Variants in CTNNA3 observed in about 807,000 individuals in gnomAD.
CTNNA3 encodes the protein catenin alpha-3.
CTNNA3 carries 76 observed loss-of-function variants against 95.7 expected under a neutral mutation model. The observed-to-expected ratio is 0.79, with a 90% CI of 0.66 to 0.96. The LOEUF is 0.96. Ranked by LOEUF, CTNNA3 falls within the 40% of genes least tolerant of loss-of-function variation. The probability of loss-of-function intolerance (pLI) is 0.00; values close to 1 mark genes in which losing one functional copy is unlikely to be tolerated. For synonymous variants in CTNNA3, 431 were observed against 374.4 expected (o/e 1.15, Z -1.74); for missense variants, 1,191 against 1,089.8 (o/e 1.09, Z -1.31).
At chr10:66,186,981 C>T (rs1044739731) in intron 13 of CTNNA3, among the ~76,000 whole-genome samples, 4 of 152,018 alleles carry the variant, frequency 2.6e-5, no homozygotes, top group Middle Eastern at 3.2e-3. Context: ...ATATTGTCTC[C>T]CTCTCTCCAA....
At chr10:65,982,125 C>A (rs1177620562) in intron 16 of CTNNA3, among the ~76,000 whole-genome samples, 1 of 151,330 alleles carries the variant, frequency 6.6e-6, no homozygotes. Context: ...TATTCAGAAT[C>A]TCCAAATAAC....
chr10:67,267,993 A>C (rs1282008051), intron 5 of CTNNA3, among the ~76,000 whole-genome samples: 1 of 152,204 alleles, frequency 6.6e-6, no homozygotes, highest in East Asian at 1.9e-4. Context: ...GGTTAAGCAC[A>C]TAATAATTTG....
intron 7 of CTNNA3, among the ~76,000 whole-genome samples, chr10:66,889,749 A>C (rs919208522): frequency 6.6e-6 from 1 of 151,924 alleles, no homozygotes; most frequent in Admixed American, 6.6e-5. Flanking sequence ...TGAGAAGAAG[A>C]AAAGCTGAGA....
rs111991521 is a variant in CTNNA3 at position 66,734,775 on chromosome 10, A to G, written c.1281+31489T>C. Among the ~76,000 whole-genome samples the G allele has an allele frequency of 2.5e-3, 375 of 151,928 alleles. 1 individual carries two copies. The highest frequency in any genetic ancestry group is 8.3e-3 in the African/African-American group (345 of 41,454). On this transcript the variant is annotated intron_variant, in intron 9 of 17. Transcript: ENST00000433211. ...CTACTCAGGAGGCTGAGGCAGGAGA[A>G]TCTCTTGAACTCGAGAGGTGGAGGT...
chr10:66,524,511 G>T (rs966605359), intron 10 of CTNNA3, among the ~76,000 whole-genome samples: 1 of 87,900 alleles, frequency 1.1e-5, no homozygotes, highest in African/African-American at 4.6e-5. Flanking sequence ...TGGCTGGCTG[G>T]TGATGGTTAT....
chr10:65,927,958 G>A (rs1048321519), intron 17 of CTNNA3, among the ~76,000 whole-genome samples: 5 of 152,090 alleles, frequency 3.3e-5, no homozygotes, highest in African/African-American at 7.2e-5. Flanking sequence ...GTCACACTTG[G>A]TATTTTGATA....
intron 5 of CTNNA3, among the ~76,000 whole-genome samples, chr10:67,232,527 G>C (rs2132303812): frequency 6.6e-6 from 1 of 151,776 alleles, no homozygotes; most frequent in East Asian, 1.9e-4. Context: ...AACATGGAAG[G>C]AACAACTGGT....
chr10:67,759,766 A>G (rs1841453220), intron 1 of CTNNA3, among the ~76,000 whole-genome samples: 1 of 152,214 alleles, frequency 6.6e-6, no homozygotes, highest in South Asian at 2.1e-4. Flanking sequence ...AAACAGCCAC[A>G]CGGCAAGGAA....
intron 10 of CTNNA3, among the ~76,000 whole-genome samples, chr10:66,599,818 A>G (rs1911334): frequency 0.22 from 33,800 of 151,852 alleles, 4,821 homozygotes; most frequent in Middle Eastern, 0.42. Context: ...TACCACCAAC[A>G]TAATTCAAAT....
chr10:66,063,985 G>A (rs1198165750), intron 15 of CTNNA3, among the ~76,000 whole-genome samples: 3 of 152,034 alleles, frequency 2.0e-5, no homozygotes, highest in Non-Finnish European at 4.4e-5. Flanking sequence ...GTCATTGATT[G>A]TATTAGTCTA....
In CTNNA3 at chr10:66,474,256, T is replaced by C. The variant is rs116992418; in HGVS notation, c.1531+46361A>G. On this transcript the variant is annotated intron_variant, in intron 11 of 17. Coordinates refer to ENST00000433211, the MANE Select transcript of CTNNA3 (RefSeq NM_013266.4). ...ACTCCCTAGCCTCTGGCAAACACTA[T>C]GTCTATGAGATCAACTTCTTTAGAT... Among the ~76,000 whole-genome samples, 159 of 152,170 alleles carry C rather than the reference T, an allele frequency of 1.0e-3. 3 individuals carry two copies. The East Asian group carries it at 0.027, about 25-fold the overall frequency.
chr10:67,261,078 TGTCTATAA>T (rs1310948751), intron 5 of CTNNA3, among the ~76,000 whole-genome samples: 1 of 152,184 alleles, frequency 6.6e-6, no homozygotes, highest in Non-Finnish European at 1.5e-5. Flanking sequence ...GTGGTCAGCC[TGTCTATAA>T]GTCATCTTGG....
intron 7 of CTNNA3, among the ~76,000 whole-genome samples, chr10:67,076,427 A>G (rs1856755245): frequency 6.6e-6 from 1 of 152,238 alleles, no homozygotes; most frequent in African/African-American, 2.4e-5. Flanking sequence ...ATCATAATCC[A>G]CAATCACAGA....
chr10:67,688,803 T>C (rs967482272), intron 1 of CTNNA3, among the ~76,000 whole-genome samples: 2 of 152,138 alleles, frequency 1.3e-5, no homozygotes, highest in Non-Finnish European at 1.5e-5. Flanking sequence ...CTGATTGGAA[T>C]AGTTGCACTT....
At chr10:66,551,040 A>T (rs1589412038) in intron 10 of CTNNA3, among the ~76,000 whole-genome samples, 3 of 151,880 alleles carry the variant, frequency 2.0e-5, no homozygotes, top group Admixed American at 1.3e-4. Flanking sequence ...GAGAAAAATA[A>T]CTGTTTTCTG....
At chr10:66,747,585 C>T (rs1838936865) in intron 9 of CTNNA3, among the ~76,000 whole-genome samples, 1 of 152,150 alleles carries the variant, frequency 6.6e-6, no homozygotes, top group Non-Finnish European at 1.5e-5. Context: ...TAACTCAGAT[C>T]TAATCTTTCT....
chr10:67,465,477 T>C (rs952519962), intron 5 of CTNNA3, among the ~76,000 whole-genome samples: 1 of 152,158 alleles, frequency 6.6e-6, no homozygotes, highest in Non-Finnish European at 1.5e-5. Context: ...TAAAGTTTTA[T>C]CAATTTATGA....
At chr10:67,102,026 T>C (rs927737769) in intron 7 of CTNNA3, among the ~76,000 whole-genome samples, 2 of 151,860 alleles carry the variant, frequency 1.3e-5, no homozygotes, top group African/African-American at 4.8e-5. Flanking sequence ...CCAGAATAGA[T>C]ATAATAACAT....
At chr10:66,299,726 G>A (rs4381266) in intron 12 of CTNNA3, among the ~76,000 whole-genome samples, 91,671 of 151,878 alleles carry the variant, frequency 0.6, 28,599 homozygotes, top group African/African-American at 0.77. Flanking sequence ...AGAATAACAG[G>A]AATGGAAAAC....
Sources: gnomAD v4.1 joint callset for allele counts (sites outside exome capture counted in the v4.1 genomes callset) on GRCh38, gnomAD v4.1.1 for gene constraint, MANE v1.5 for transcripts, NCBI Gene and HGNC (gene_info 2026-07-23, HGNC 2026-07-21) for gene names.